Variants in TCP11L1 observed in about 807,000 individuals in gnomAD.
TCP11L1 encodes t-complex 11 like 1, also known as T-complex protein 11-like protein 1.
TCP11L1 carries 28 observed loss-of-function variants against 48.9 expected under a neutral mutation model. That is an observed-to-expected ratio of 0.57 (90% confidence interval 0.42 to 0.78). TCP11L1 has a LOEUF of 0.78. TCP11L1 is among the 30% of genes least tolerant of loss of function. The pLI, the probability that TCP11L1 is intolerant of heterozygous loss-of-function variation, is 0.00. For synonymous variants in TCP11L1, 204 were observed against 231.9 expected, an observed-to-expected ratio of 0.88 and a Z score of 1.09; for missense variants, 505 against 613.4, an observed-to-expected ratio of 0.82 and a Z score of 1.87.
At chr11:33,062,753 T>C (rs999549669) in intron 7 of TCP11L1, among the ~76,000 whole-genome samples, 2 of 152,250 alleles carry the variant, frequency 1.3e-5, no homozygotes, top group African/African-American at 4.8e-5. Context: ...GTACTTAATA[T>C]GAGTGGAATT....
chr11:33,044,691 C>G (rs1355064768), intron 2 of TCP11L1, among the ~76,000 whole-genome samples: 1 of 152,152 alleles, frequency 6.6e-6, no homozygotes, highest in Non-Finnish European at 1.5e-5. Flanking sequence ...CAAAGCCCTT[C>G]CCGGGCAATT....
chr11:33,056,698 C>T, intron 3 of TCP11L1: 1 of 230,218 alleles, frequency 4.3e-6, no homozygotes, highest in South Asian at 4.8e-5. Flanking sequence ...CCTGCCTCGG[C>T]CTCCAAAAGT....
At chr11:33,043,712 T>A in intron 1 of TCP11L1, 38 bp from the exon 2 acceptor site, 1 of 1,532,136 alleles carries the variant, frequency 6.5e-7, no homozygotes, top group Admixed American at 2.1e-5. Flanking sequence ...AGAGCTAGAA[T>A]ACTTTTAGTT....
chr11:33,049,687 C>T (rs910820164), intron 2 of TCP11L1, among the ~76,000 whole-genome samples: 11 of 152,204 alleles, frequency 7.2e-5, no homozygotes, highest in African/African-American at 2.7e-4. Flanking sequence ...GCCGCTAGCA[C>T]CTCACCTCCA....
chr11:33,057,011 G>A, intron 3 of TCP11L1, 104 bp from the exon 4 acceptor site: 1 of 1,475,648 alleles, frequency 6.8e-7, no homozygotes, highest in Non-Finnish European at 9.2e-7. Flanking sequence ...CAAATCACTG[G>A]GATTGATCTT....
At chr11:33,071,455 A>G (rs529628046) in intron 9 of TCP11L1, among the ~76,000 whole-genome samples, 7 of 152,350 alleles carry the variant, frequency 4.6e-5, no homozygotes, top group African/African-American at 1.4e-4. Flanking sequence ...GAAAAAGTCT[A>G]TTCCATATAA....
rs574045894 is a variant in TCP11L1 at position 33,048,912 on chromosome 11, A to G, written c.163+4976A>G. On this transcript the variant is annotated intron_variant, in intron 2 of 9. Transcript: ENST00000334274. ...CCACTGTGTTTCATGACTAGGCAGC[A>G]TAGTAACGGTGCCTATTATTACCCA... is the stretch of plus-strand genomic sequence containing the variant. Among the ~76,000 whole-genome samples the G allele has an allele frequency of 2.6e-5, 4 of 152,320 alleles. No individual in the cohort carries two copies. In the South Asian group the frequency reaches 8.3e-4, roughly 32 times the overall value.
At chr11:33,066,844 A>T (rs756613999) in intron 8 of TCP11L1, among the ~76,000 whole-genome samples, 2 of 152,172 alleles carry the variant, frequency 1.3e-5, no homozygotes, top group African/African-American at 2.4e-5. Flanking sequence ...CTGCAGTAAG[A>T]AATTCATTTT....
In TCP11L1 at chr11:33,049,929, T is replaced by C. The variant is rs182222509; in HGVS notation, c.164-4664T>C. 7.9e-3 allele frequency among the ~76,000 whole-genome samples: 1,206 copies of C among 152,210 alleles called. 14 individuals are homozygous for C. The highest frequency in any genetic ancestry group is 9.4e-3 in the Non-Finnish European group (637 of 68,004). Reference sequence around the variant, plus strand: ...GGAGGCCATATCTCAGGCTATTGCATGGGGAGAAACCTTGGACAATACCTG... The same window carrying C: ...GGAGGCCATATCTCAGGCTATTGCACGGGGAGAAACCTTGGACAATACCTG... On this transcript the variant is annotated intron_variant, in intron 2 of 9. Coordinates refer to ENST00000334274, the MANE Select transcript of TCP11L1 (RefSeq NM_018393.4).
intron 2 of TCP11L1, among the ~76,000 whole-genome samples, chr11:33,044,392 T>C (rs2133691186): frequency 6.6e-6 from 1 of 152,268 alleles, no homozygotes; most frequent in East Asian, 1.9e-4. Context: ...TTGCTAAATG[T>C]GTGTGGTGAA....
Position 33,061,556 on chromosome 11 carries a change from C to A in TCP11L1, c.802C>A (p.Leu268Met). Reference sequence around the variant, plus strand: ...TTCCCTGGACTTTGTCACCCAGTGGCTGGAAGAAGCCTCAGAGGACCTTAT... The same window carrying A: ...TTCCCTGGACTTTGTCACCCAGTGGATGGAAGAAGCCTCAGAGGACCTTAT... ...PNSLDFVTQWLEEASEDLMTQ... is the reference protein window; with the variant it reads ...PNSLDFVTQWMEEASEDLMTQ... Residue 268 changes from leucine (L) to methionine (M), a missense_variant, in exon 7 of 10, where the codon CTG becomes ATG. By Grantham distance (15) the Leu-to-Met change is conservative. This residue lies in a region of TCP11L1 where 335 missense variants were observed against 413.3 expected (regional missense o/e 0.81). Transcript: ENST00000334274. The A allele has an allele frequency of 1.2e-6, 2 of 1,607,388 alleles. No homozygotes were observed. Among genetic ancestry groups the A allele is most frequent in the African/African-American group, 2.7e-5 (2 of 74,974 alleles).
chr11:33,073,389 T>A lies in TCP11L1; in HGVS notation c.*713T>A, dbSNP rs369128539. On this transcript the variant is annotated 3_prime_UTR_variant, in exon 10 of 10. Coordinates refer to ENST00000334274, the MANE Select transcript of TCP11L1 (RefSeq NM_018393.4). ...TCTGGTTGAGAGCAGTTATGACTTA[T>A]GAGATCTAGTGAAAGGAAAGTCTTT... 6 of 152,186 alleles carry A rather than the reference T, an allele frequency of 3.9e-5. No homozygotes were observed. In the East Asian group the frequency reaches 5.8e-4, roughly 15 times the overall value. The allele number at this position is 152,186 out of a possible 1,614,324, so 9.4% of individuals were successfully genotyped here.
intron 1 of TCP11L1, among the ~76,000 whole-genome samples, chr11:33,042,103 T>C (rs989497884): frequency 6.6e-6 from 1 of 152,170 alleles, no homozygotes; most frequent in Admixed American, 6.5e-5. Context: ...ACTAAAACTT[T>C]TACTGTAATT....
chr11:33,063,694 C>G (rs1346564209), intron 7 of TCP11L1, among the ~76,000 whole-genome samples: 1 of 152,170 alleles, frequency 6.6e-6, no homozygotes, highest in African/African-American at 2.4e-5. Context: ...ATGTAGACTC[C>G]CCCTCTCTTT....
At position 33,056,301 on chromosome 11, in the gene TCP11L1, G is replaced by A. The variant is rs904936909; in HGVS notation, c.297-814G>A. 2.6e-5 allele frequency among the ~76,000 whole-genome samples: 4 copies of A among 152,172 alleles called. No homozygotes were observed. In the South Asian group the frequency reaches 8.3e-4, roughly 32 times the overall value. ...AATTTTTGTATTTTTAGTAGAGATA[G>A]TATTTCACCATGTTGGCCAGGCTGG... is the stretch of plus-strand genomic sequence containing the variant. On this transcript the variant is annotated intron_variant, in intron 3 of 9. Transcript: ENST00000334274.
At chr11:33,057,770 G>A (rs1854351485) in intron 4 of TCP11L1, 149 bp from the exon 5 acceptor site, 1 of 694,508 alleles carries the variant, frequency 1.4e-6, no homozygotes, top group African/African-American at 1.8e-5. Context: ...TTGTAAACAT[G>A]TTTTTCTGTA....
intron 2 of TCP11L1, among the ~76,000 whole-genome samples, chr11:33,044,647 T>G (rs972535879): frequency 3.3e-5 from 5 of 152,206 alleles, no homozygotes; most frequent in African/African-American, 1.2e-4. Flanking sequence ...TACAGACATT[T>G]TTGGGTTTTG....
At chr11:33,072,151 C>T (rs1316325120) in intron 9 of TCP11L1, among the ~76,000 whole-genome samples, 1 of 152,170 alleles carries the variant, frequency 6.6e-6, no homozygotes, top group Non-Finnish European at 1.5e-5. Flanking sequence ...GCCACTCATG[C>T]ATTCATTCTT....
chr11:33,071,354 A>G (rs1854785268), intron 9 of TCP11L1, among the ~76,000 whole-genome samples: 1 of 152,118 alleles, frequency 6.6e-6, no homozygotes, highest in African/African-American at 2.4e-5. Context: ...CTGTCCTGTC[A>G]GCAGTTTCTG....
Sources: gnomAD v4.1 joint callset for allele counts (sites outside exome capture counted in the v4.1 genomes callset) on GRCh38, gnomAD v4.1.1 for gene constraint, gnomAD v4.1.1 regional missense constraint, MANE v1.5 for transcripts, NCBI Gene and HGNC (gene_info 2026-07-23, HGNC 2026-07-21) for gene names.